Variants in KCNQ1 observed in about 807,000 individuals in gnomAD.
KCNQ1 encodes the protein potassium voltage-gated channel subfamily KQT member 1.
A neutral mutation model predicts 72.4 loss-of-function variants in KCNQ1; 49 were observed. That is an observed-to-expected ratio of 0.68 (90% CI 0.54 to 0.86). KCNQ1 has a LOEUF of 0.86. KCNQ1 is among the 40% of genes least tolerant of loss of function. The probability of loss-of-function intolerance (pLI) is 0.00; values close to 1 mark genes in which losing one functional copy is unlikely to be tolerated. For synonymous variants in KCNQ1, 450 were observed against 412.6 expected, an observed-to-expected ratio of 1.09 and a Z score of -1.10; for missense variants, 790 against 945.1, an observed-to-expected ratio of 0.84 and a Z score of 2.15.
intron 1 of KCNQ1, among the ~76,000 whole-genome samples, chr11:2,512,282 C>T (rs1312359584): frequency 1.3e-5 from 2 of 152,196 alleles, no homozygotes; most frequent in African/African-American, 2.4e-5. Flanking sequence ...GGGAGAGGGC[C>T]GCAGGCTGCC....
intron 6 of KCNQ1, among the ~76,000 whole-genome samples, chr11:2,575,765 C>A (rs1848414296): frequency 6.6e-6 from 1 of 152,192 alleles, no homozygotes; most frequent in Non-Finnish European, 1.5e-5. Context: ...CTGCCCCAGA[C>A]CTTGCCTGGA....
At chr11:2,561,195 C>T (rs1375091023) in intron 2 of KCNQ1, among the ~76,000 whole-genome samples, 12 of 122,766 alleles carry the variant, frequency 9.8e-5, no homozygotes, top group African/African-American at 3.8e-4. Flanking sequence ...AGCGAGACTC[C>T]GTCTCAAAAA....
intron 15 of KCNQ1, among the ~76,000 whole-genome samples, chr11:2,798,810 T>C (rs1041214796): frequency 6.6e-6 from 1 of 152,190 alleles, no homozygotes; most frequent in Non-Finnish European, 1.5e-5. Context: ...TATAAATTGG[T>C]CGCGTTGTTT....
At position 2,781,993 on chromosome 11, in the gene KCNQ1, A is replaced by G. The variant is rs1442153283; in HGVS notation, c.1794+3956A>G. On this transcript the variant is annotated intron_variant, in intron 15 of 15. Coordinates refer to ENST00000155840, the MANE Select transcript of KCNQ1 (RefSeq NM_000218.3). The surrounding 1 kb of genome is among the most constrained non-coding windows in gnomAD (Gnocchi z 6.6). The stretch of plus-strand genomic sequence containing the variant: ...CCCATGCCTTTACCAAGCTTCGTGC[A>G]TGACCCCAACCTCCAGGATGCAGGC... 6.6e-6 allele frequency among the ~76,000 whole-genome samples: 1 copy of G among 152,142 alleles called. No individual in the cohort carries two copies. The highest frequency in any genetic ancestry group is 1.9e-4 in the East Asian group (1 of 5,184).
chr11:2,682,555 A>G lies in KCNQ1; in HGVS notation c.1514+20474A>G. On this transcript the variant is annotated intron_variant, in intron 11 of 15. Transcript: ENST00000155840. This position sits in a 1 kb window ranked among gnomAD's most constrained non-coding sequence, Gnocchi z 5.8. ...GTGCTAGGACCCTGGCAGGGGTTCC[A>G]TAAGGCTATGCTGGGGTTCAGGCAA... 5.0e-6 allele frequency: 2 copies of G among 398,584 alleles called. No individual in the cohort carries two copies. Among genetic ancestry groups the G allele is most frequent in the Non-Finnish European group, 4.4e-6 (1 of 226,092 alleles). The allele number at this position is 398,584 out of a possible 1,614,324, so 24.7% of individuals were successfully genotyped here.
Position 2,713,979 on chromosome 11 carries a change from G to A in KCNQ1, c.1514+51898G>A, listed in dbSNP as rs1328367506. On this transcript the variant is annotated intron_variant, in intron 11 of 15. Coordinates refer to ENST00000155840, the MANE Select transcript of KCNQ1 (RefSeq NM_000218.3). The surrounding 1 kb of genome is among the most constrained non-coding windows in gnomAD (Gnocchi z 5.6). ...CTGCTAACTCAGGGAGCTCCAGGTG[G>A]CTGCCACTCAGGGGTGTGTGGGGGG... Among the ~76,000 whole-genome samples, 1 of 152,240 alleles carries A rather than the reference G, an allele frequency of 6.6e-6. No individual in the cohort carries two copies. The highest frequency in any genetic ancestry group is 1.5e-5 in the Non-Finnish European group (1 of 68,050).
chr11:2,649,167 G>T (rs2133840542), intron 10 of KCNQ1: 4 of 397,754 alleles, frequency 1.0e-5, no homozygotes, highest in Non-Finnish European at 1.8e-5. Flanking sequence ...AATTCATTTA[G>T]CCAGTATCTA....
chr11:2,796,871 C>T (rs927913489), intron 15 of KCNQ1, among the ~76,000 whole-genome samples: 9 of 152,228 alleles, frequency 5.9e-5, no homozygotes, highest in African/African-American at 1.2e-4. Context: ...GGCAGGGAAA[C>T]GTTCGCCATT....
rs1589957697 is a variant in KCNQ1, at chr11:2,572,019, C to CCG, written c.692_693dup (p.Phe232AlafsTer6). On this transcript the variant is annotated frameshift_variant, in exon 5 of 16. Coordinates refer to ENST00000155840, the MANE Select transcript of KCNQ1 (RefSeq NM_000218.3). LOFTEE classifies it high-confidence loss of function. ...CACACCATCTCCTTCGCAGGGGCAT[C>CCG]CGCTTCCTGCAGATCCTGAGGATGC... 1 of 1,612,388 alleles carries CCG rather than the reference C, an allele frequency of 6.2e-7. No individual in the cohort carries two copies. The highest frequency in any genetic ancestry group is 1.1e-5 in the South Asian group (1 of 91,014).
At chr11:2,581,177 G>T (rs1848493345) in intron 6 of KCNQ1, among the ~76,000 whole-genome samples, 1 of 152,212 alleles carries the variant, frequency 6.6e-6, no homozygotes, top group South Asian at 2.1e-4. Flanking sequence ...TCCCTGCCCT[G>T]CCCAGGCCCT....
In KCNQ1 at chr11:2,690,161, G is replaced by A. The variant is rs576175386; in HGVS notation, c.1514+28080G>A. Reference sequence around the variant, plus strand: ...GCGGGCAGCCCTCCCCAGCATGACAGGATGTGGAAGGCTGGTCTCTCCAGA... The same window carrying A: ...GCGGGCAGCCCTCCCCAGCATGACAAGATGTGGAAGGCTGGTCTCTCCAGA... On this transcript the variant is annotated intron_variant, in intron 11 of 15. Coordinates refer to ENST00000155840, the MANE Select transcript of KCNQ1 (RefSeq NM_000218.3). This position sits in a 1 kb window ranked among gnomAD's most constrained non-coding sequence, Gnocchi z 5.1. The A allele has an allele frequency of 7.5e-6, 3 of 398,844 alleles. No individual in the cohort carries two copies. In the South Asian group the frequency reaches 3.8e-4, roughly 51 times the overall value. 24.7% of individuals were successfully genotyped at this position (398,844 alleles called of 1,614,324 possible). A position where few individuals can be genotyped will look rare whatever the true frequency, so the allele number is the denominator to read the frequency against.
At chr11:2,466,648 T>TGCCAGGCTGCTGCCTGGG (rs756561219) in intron 1 of KCNQ1, among the ~76,000 whole-genome samples, 2 of 152,180 alleles carry the variant, frequency 1.3e-5, no homozygotes, top group Admixed American at 6.5e-5. Context: ...GAGAGCTTGC[T>TGCCAGGCTGCTGCCTGGG]GCCAGGCTGC....
At chr11:2,847,328 C>T (rs1452699889) in intron 15 of KCNQ1, among the ~76,000 whole-genome samples, 1 of 152,216 alleles carries the variant, frequency 6.6e-6, no homozygotes, top group Non-Finnish European at 1.5e-5. Context: ...CCTTTCTTGA[C>T]CCTTAACCCA....
In KCNQ1 at chr11:2,493,888, G is replaced by A. The variant is rs1050056132; in HGVS notation, c.387-34040G>A. On this transcript the variant is annotated intron_variant, in intron 1 of 15. Coordinates refer to ENST00000155840, the MANE Select transcript of KCNQ1 (RefSeq NM_000218.3). This position sits in a 1 kb window ranked among gnomAD's most constrained non-coding sequence, Gnocchi z 5.3. Reference sequence around the variant, plus strand: ...AGTTTTTTCTAATTCTGTGAAGAAAGTCAATGATAGCTTGATGGGAATAGC... The same window carrying A: ...AGTTTTTTCTAATTCTGTGAAGAAAATCAATGATAGCTTGATGGGAATAGC... Among the ~76,000 whole-genome samples the A allele has an allele frequency of 6.6e-6, 1 of 152,190 alleles. No homozygotes were observed. Among genetic ancestry groups the A allele is most frequent in the Non-Finnish European group, 1.5e-5 (1 of 68,032 alleles).
Position 2,599,887 on chromosome 11 carries a change from G to C in KCNQ1, c.1393+11033G>C, listed in dbSNP as rs766291508. Among the ~76,000 whole-genome samples the C allele has an allele frequency of 2.6e-5, 4 of 152,204 alleles. No individual in the cohort carries two copies. The highest frequency in any genetic ancestry group is 5.9e-5 in the Non-Finnish European group (4 of 68,034). On this transcript the variant is annotated intron_variant, in intron 10 of 15. Coordinates refer to ENST00000155840, the MANE Select transcript of KCNQ1 (RefSeq NM_000218.3). This position sits in a 1 kb window ranked among gnomAD's most constrained non-coding sequence, Gnocchi z 4.7. Reference sequence around the variant, plus strand: ...CTCCAAACATGCTGAGTCACGTGCCGAGGTATTAAAGACCAGGGCTTCAAC... The same window carrying C: ...CTCCAAACATGCTGAGTCACGTGCCCAGGTATTAAAGACCAGGGCTTCAAC...
At chr11:2,466,273 G>C (rs890371051) in intron 1 of KCNQ1, among the ~76,000 whole-genome samples, 3 of 152,174 alleles carry the variant, frequency 2.0e-5, no homozygotes, top group African/African-American at 7.2e-5. Context: ...CAAAGGGGAG[G>C]TGACACATGG....
chr11:2,633,122 A>T (rs936993781), intron 10 of KCNQ1: 1 of 398,394 alleles, frequency 2.5e-6, no homozygotes, highest in African/African-American at 2.1e-5. Context: ...CTGAGGTGAA[A>T]TAATGTCTCA....
In KCNQ1 at chr11:2,824,230, C is replaced by A. The variant is rs1032341778; in HGVS notation, c.1795-23537C>A. On this transcript the variant is annotated intron_variant, in intron 15 of 15. Coordinates refer to ENST00000155840, the MANE Select transcript of KCNQ1 (RefSeq NM_000218.3). The surrounding 1 kb of genome is among the most constrained non-coding windows in gnomAD (Gnocchi z 5.9). ...AGTGTGAGGCTGTCCATGGAGGGGC[C>A]AGAGTAGAGGGGAGGTGGGTGAGGA... 3.3e-5 allele frequency among the ~76,000 whole-genome samples: 5 copies of A among 152,080 alleles called. No individual in the cohort carries two copies. The highest frequency in any genetic ancestry group is 1.2e-4 in the African/African-American group (5 of 41,402).
intron 1 of KCNQ1, among the ~76,000 whole-genome samples, chr11:2,524,562 T>C (rs115058974): frequency 0.027 from 4,119 of 152,270 alleles, 153 homozygotes; most frequent in African/African-American, 0.087. Flanking sequence ...TGGCCTGCAG[T>C]CCCCAGGAGC....
Sources: allele counts gnomAD v4.1 joint callset (sites outside exome capture counted in the v4.1 genomes callset), GRCh38; gene constraint gnomAD v4.1.1; non-coding constraint Gnocchi (gnomAD v3.1); transcripts MANE v1.5; gene names NCBI Gene and HGNC (gene_info 2026-07-23, HGNC 2026-07-21).